Variants in ZNF385D observed in about 807,000 individuals in gnomAD.
The protein encoded by ZNF385D is zinc finger protein 659.
Under a neutral mutation model 35.8 loss-of-function variants are expected in ZNF385D, and 15 were observed. The ratio of observed to expected loss-of-function variants is 0.42; its 90% CI spans 0.28 to 0.64. ZNF385D has a LOEUF of 0.64. Ranked by LOEUF, ZNF385D falls within the 30% of genes least tolerant of loss-of-function variation. The probability of loss-of-function intolerance (pLI) is 0.23; values close to 1 mark genes in which losing one functional copy is unlikely to be tolerated. For missense variants in ZNF385D, 474 were observed against 494.6 expected (o/e 0.96, Z 0.39); for synonymous variants, 212 against 186.8 (o/e 1.13, Z -1.10).
intron 3 of ZNF385D, among the ~76,000 whole-genome samples, chr3:21,964,415 AAAAAAAAAAAAAAAAAAG>A (rs1265057716): frequency 5.9e-5 from 5 of 85,388 alleles, no homozygotes; most frequent in African/African-American, 2.8e-4. Context: ...CTTTTTGTAA[AAAAAAAAAAAAAAAAAAG>A]AAAAAAAAAA....
At chr3:22,074,448 C>T (rs899221769) in intron 3 of ZNF385D, among the ~76,000 whole-genome samples, 1 of 151,932 alleles carries the variant, frequency 6.6e-6, no homozygotes, top group African/African-American at 2.4e-5. Context: ...ATGCCTAATA[C>T]TAGAAAATTA....
At chr3:21,746,126 G>A (rs2069758172) in intron 1 of ZNF385D, among the ~76,000 whole-genome samples, 1 of 152,170 alleles carries the variant, frequency 6.6e-6, no homozygotes, top group Non-Finnish European at 1.5e-5. Flanking sequence ...AAGCAACTGT[G>A]ACCGAATCTT....
intron 3 of ZNF385D, among the ~76,000 whole-genome samples, chr3:21,880,707 T>C (rs1698232921): frequency 6.6e-6 from 1 of 152,002 alleles, no homozygotes. Context: ...TTAAGCTTAA[T>C]GAAGAAGGCA....
intron 3 of ZNF385D, among the ~76,000 whole-genome samples, chr3:21,905,684 G>A (rs1049457051): frequency 5.5e-5 from 5 of 91,070 alleles, no homozygotes; most frequent in Non-Finnish European, 8.8e-5. Context: ...AGGATCATCT[G>A]TGGTAATATA....
chr3:22,196,648 T>C lies in ZNF385D; in HGVS notation c.107-27613A>G, dbSNP rs139175563. On this transcript the variant is annotated intron_variant, in intron 2 of 5. Transcript: ENST00000494108. The stretch of plus-strand genomic sequence containing the variant: ...TGCAGATTGCTAATTTTACCATATA[T>C]TGGAAAATTCCAGAACCTTTCAACA... 1.1e-3 allele frequency among the ~76,000 whole-genome samples: 166 copies of C among 152,186 alleles called. 1 individual carries two copies. The highest frequency in any genetic ancestry group is 3.8e-3 in the African/African-American group (157 of 41,576).
At chr3:21,881,091 A>C (rs1698253562) in intron 3 of ZNF385D, among the ~76,000 whole-genome samples, 1 of 152,022 alleles carries the variant, frequency 6.6e-6, no homozygotes, top group South Asian at 2.1e-4. Flanking sequence ...GTGAAGCTGC[A>C]AGTAGTGATG....
chr3:21,525,421 C>T (rs565189939), intron 3 of ZNF385D, among the ~76,000 whole-genome samples: 1 of 152,094 alleles, frequency 6.6e-6, no homozygotes. Context: ...GGCATGGTGG[C>T]TTATGCCTGT....
intron 3 of ZNF385D, among the ~76,000 whole-genome samples, chr3:21,988,829 G>A (rs1694975074): frequency 6.6e-6 from 1 of 152,178 alleles, no homozygotes; most frequent in Non-Finnish European, 1.5e-5. Context: ...AGACTCCGTG[G>A]GCGTAGGACC....
At chr3:21,946,690 G>C (rs1278164183) in intron 3 of ZNF385D, among the ~76,000 whole-genome samples, 1 of 152,010 alleles carries the variant, frequency 6.6e-6, no homozygotes, top group African/African-American at 2.4e-5. Context: ...ATATTAGCCA[G>C]GTGTGGTAGC....
At chr3:21,882,901 G>C (rs1404587949) in intron 3 of ZNF385D, among the ~76,000 whole-genome samples, 1 of 151,846 alleles carries the variant, frequency 6.6e-6, no homozygotes, top group Non-Finnish European at 1.5e-5. Context: ...TTAGATGAAG[G>C]TAAAAAGCAA....
intron 3 of ZNF385D, among the ~76,000 whole-genome samples, chr3:21,825,246 G>A (rs527366460): frequency 6.6e-6 from 1 of 152,140 alleles, no homozygotes; most frequent in African/African-American, 2.4e-5. Context: ...TTGAGATCCA[G>A]GTGAAACCCC....
Position 21,412,575 on chromosome 3 carries a change from A to G in ZNF385D, c.*8639T>C, listed in dbSNP as rs1700507555. On this transcript the variant is annotated 3_prime_UTR_variant, in exon 8 of 8. Coordinates refer to ENST00000281523, the MANE Select transcript of ZNF385D (RefSeq NM_024697.3). Reference sequence around the variant, plus strand: ...AAGCGAAGAATAAGGACATGAACAGACCAATGTCTTGACACCACTGGCAAT... The same window carrying G: ...AAGCGAAGAATAAGGACATGAACAGGCCAATGTCTTGACACCACTGGCAAT... The G allele has an allele frequency of 1.3e-5, 2 of 152,084 alleles. No homozygotes were observed. The highest frequency in any genetic ancestry group is 4.8e-5 in the African/African-American group (2 of 41,410). The allele number at this position is 152,084 out of a possible 1,614,324, so 9.4% of individuals were successfully genotyped here. A position where few individuals can be genotyped will look rare whatever the true frequency, so the allele number is the denominator to read the frequency against.
intron 2 of ZNF385D, among the ~76,000 whole-genome samples, chr3:22,198,995 C>G (rs1211580106): frequency 2.6e-5 from 4 of 152,056 alleles, no homozygotes; most frequent in Non-Finnish European, 4.4e-5. Context: ...ACATCTACTA[C>G]TGTTTAATAA....
At chr3:22,303,531 G>A (rs142022783) in intron 2 of ZNF385D, among the ~76,000 whole-genome samples, 1 of 152,196 alleles carries the variant, frequency 6.6e-6, no homozygotes, top group African/African-American at 2.4e-5. Flanking sequence ...GCTTGTCTAT[G>A]TATTCTAAAT....
intron 3 of ZNF385D, among the ~76,000 whole-genome samples, chr3:21,770,166 C>T (rs147370035): frequency 0.032 from 4,945 of 152,248 alleles, 119 homozygotes; most frequent in Middle Eastern, 0.068. Flanking sequence ...TCATTCAGGA[C>T]ATAGGCATGC....
chr3:21,533,264 C>T (rs1344541121), intron 3 of ZNF385D, among the ~76,000 whole-genome samples: 2 of 151,748 alleles, frequency 1.3e-5, no homozygotes, highest in African/African-American at 2.4e-5. Context: ...ATTGGCCCGT[C>T]GAATGAACTG....
chr3:22,227,086 G>C (rs969593390), intron 2 of ZNF385D, among the ~76,000 whole-genome samples: 2 of 151,940 alleles, frequency 1.3e-5, no homozygotes. Flanking sequence ...AATCAGATAA[G>C]GTGTCCAGCT....
chr3:21,839,236 C>G (rs1695514436), intron 3 of ZNF385D, among the ~76,000 whole-genome samples: 1 of 152,006 alleles, frequency 6.6e-6, no homozygotes, highest in Non-Finnish European at 1.5e-5. Context: ...AGTATCATCA[C>G]ATAATTTTTA....
intron 2 of ZNF385D, among the ~76,000 whole-genome samples, chr3:21,596,664 G>T (rs1461352491): frequency 6.9e-6 from 1 of 145,268 alleles, no homozygotes. Context: ...TTTTGGTACA[G>T]TTGGGGGTCT....
Sources: gnomAD v4.1 joint callset for allele counts (sites outside exome capture counted in the v4.1 genomes callset) on GRCh38, gnomAD v4.1.1 for gene constraint, MANE v1.5 for transcripts, NCBI Gene and HGNC (gene_info 2026-07-23, HGNC 2026-07-21) for gene names.